LRRFIP1: variants seen among roughly 807,000 people sequenced by gnomAD.
LRRFIP1 encodes leucine-rich repeat flightless-interacting protein 1.
Under a neutral mutation model 104.4 loss-of-function variants are expected in LRRFIP1, and 62 were observed. The ratio of observed to expected loss-of-function variants is 0.59; its 90% CI spans 0.48 to 0.73. The LOEUF is 0.73. LRRFIP1 is among the 30% of genes least tolerant of loss of function. The pLI is 0.00. For synonymous variants in LRRFIP1, 300 were observed against 299.0 expected (o/e 1.00, Z -0.03); for missense variants, 796 against 824.5 (o/e 0.97, Z 0.42).
At chr2:237,629,673 T>G (rs1480131588) in intron 1 of LRRFIP1, among the ~76,000 whole-genome samples, 2 of 152,114 alleles carry the variant, frequency 1.3e-5, no homozygotes, top group African/African-American at 2.4e-5. Flanking sequence ...GGTTTCACCG[T>G]GTTGGCCAGG....
rs746167285 is a variant in LRRFIP1, at chr2:237,779,443, A to G, written c.1834A>G (p.Thr612Ala). The part of the protein sequence containing the change: ...QRELRSALDK[T>A]EELEVSNGHL... ...CCAGCTCCGCTCTGCATTGGATAAA[A>G]CAGAAGAGCTCGAGGTGAGCAACGG... The change falls in exon 24 of 24, where the codon ACA becomes GCA. Residue 612 changes from threonine to alanine, a missense_variant. Coordinates refer to ENST00000308482, the MANE Select transcript of LRRFIP1 (RefSeq NM_001137550.2). 1.2e-6 allele frequency: 2 copies of G among 1,613,642 alleles called. No homozygotes were observed. The highest frequency in any genetic ancestry group is 2.2e-5 in the South Asian group (2 of 91,058).
intron 10 of LRRFIP1, 103 bp from the exon 11 acceptor site, chr2:237,739,129 C>T (rs2095338824): frequency 1.2e-5 from 12 of 1,028,584 alleles, no homozygotes; most frequent in Non-Finnish European, 1.5e-5. Flanking sequence ...AACCTCACCA[C>T]TTACTGCAGC....
At position 237,672,987 on chromosome 2, in the gene LRRFIP1, C is replaced by T. The variant is rs80161240; in HGVS notation, c.97-35557C>T. On this transcript the variant is annotated intron_variant, in intron 1 of 23. Coordinates refer to ENST00000308482, the MANE Select transcript of LRRFIP1 (RefSeq NM_001137550.2). ...AGAAATTCTTTTACAATACGATGAC[C>T]GTGCTCCGTCGTTTTAGGCGAAGAA... Among the ~76,000 whole-genome samples, 478 of 152,248 alleles carry T rather than the reference C, an allele frequency of 3.1e-3. 8 individuals are homozygous for T. The East Asian group carries it at 0.047, about 15-fold the overall frequency.
intron 1 of LRRFIP1, among the ~76,000 whole-genome samples, chr2:237,647,428 C>T (rs990921648): frequency 6.6e-6 from 1 of 151,952 alleles, no homozygotes; most frequent in East Asian, 1.9e-4. Flanking sequence ...AATGTGAGGG[C>T]CTTTGTACAA....
At chr2:237,715,590 G>A (rs908558702) in intron 3 of LRRFIP1, among the ~76,000 whole-genome samples, 3 of 152,286 alleles carry the variant, frequency 2.0e-5, no homozygotes, top group Non-Finnish European at 2.9e-5. Context: ...CAGTGGAGGA[G>A]CAGAGGCACA....
intron 7 of LRRFIP1, among the ~76,000 whole-genome samples, chr2:237,725,732 A>G (rs2094719920): frequency 6.6e-6 from 1 of 152,252 alleles, no homozygotes; most frequent in African/African-American, 2.4e-5. Context: ...AGTTTTTCCC[A>G]GGTTTTCGTA....
In LRRFIP1 at chr2:237,780,932, G is replaced by A. The variant is rs1408879943; in HGVS notation, c.*1400G>A. Among the ~76,000 whole-genome samples, 1 of 152,184 alleles carries A rather than the reference G, an allele frequency of 6.6e-6. No homozygotes were observed. Among genetic ancestry groups the A allele is most frequent in the African/African-American group, 2.4e-5 (1 of 41,434 alleles). On this transcript the variant is annotated 3_prime_UTR_variant, in exon 24 of 24. Coordinates refer to ENST00000308482, the MANE Select transcript of LRRFIP1 (RefSeq NM_001137550.2). ...AGCAGACAAGTTATAGGGGGCTGGG[G>A]GCCAACACTGGCAAGTAGGAAACCA... is the stretch of plus-strand genomic sequence containing the variant.
chr2:237,754,037 A>G (rs1288711163), intron 15 of LRRFIP1, among the ~76,000 whole-genome samples: 1 of 152,160 alleles, frequency 6.6e-6, no homozygotes, highest in African/African-American at 2.4e-5. Flanking sequence ...TGTAAACTGG[A>G]GACAGTTTTT....
chr2:237,727,226 C>G (rs1322164404), intron 7 of LRRFIP1, among the ~76,000 whole-genome samples: 1 of 152,014 alleles, frequency 6.6e-6, no homozygotes, highest in African/African-American at 2.4e-5. Flanking sequence ...CGTGGTGACG[C>G]ACGCCTGTAA....
In LRRFIP1 at chr2:237,711,441, T is replaced by C. The variant is rs2094081436; in HGVS notation, c.183+2811T>C. ...TGAGAGCGGTGGTTTTGGTCTGTGC[T>C]CTCACCAGCAGGGACCGGAGGAGGG... is the stretch of plus-strand genomic sequence containing the variant. On this transcript the variant is annotated intron_variant, in intron 2 of 23. Coordinates refer to ENST00000308482, the MANE Select transcript of LRRFIP1 (RefSeq NM_001137550.2). This position sits in a 1 kb window ranked among gnomAD's most constrained non-coding sequence, Gnocchi z 4.4. Among the ~76,000 whole-genome samples, 1 of 152,202 alleles carries C rather than the reference T, an allele frequency of 6.6e-6. No homozygotes were observed. Among genetic ancestry groups the C allele is most frequent in the Admixed American group, 6.5e-5 (1 of 15,280 alleles).
intron 23 of LRRFIP1, among the ~76,000 whole-genome samples, chr2:237,775,953 T>TATTTG (rs1559878078): frequency 1.3e-5 from 2 of 152,044 alleles, no homozygotes; most frequent in African/African-American, 4.8e-5. Flanking sequence ...TTATTTATTT[T>TATTTG]ATTTGATTTT....
chr2:237,769,465 C>CAGAT lies in LRRFIP1; in HGVS notation c.1460-476_1460-473dup, dbSNP rs200347708. On this transcript the variant is annotated intron_variant, in intron 19 of 23. Transcript: ENST00000308482. ...GTGTTAGTGGACTTAGGGTTGTAAA[C>CAGAT]AGATACTCATGGCACTGACATCGAT... 538 of 159,296 alleles carry CAGAT rather than the reference C, an allele frequency of 3.4e-3. 27 individuals carry two copies. In the East Asian group the frequency reaches 0.082, roughly 24 times the overall value. 9.9% of individuals were successfully genotyped at this position (159,296 alleles called of 1,614,324 possible).
chr2:237,647,037 C>T (rs892175628), intron 1 of LRRFIP1, among the ~76,000 whole-genome samples: 8 of 152,020 alleles, frequency 5.3e-5, no homozygotes, highest in Non-Finnish European at 8.8e-5. Context: ...GGCTCCTGAC[C>T]ATGATGGTTT....
At chr2:237,750,576 A>T (rs2058497400) in intron 13 of LRRFIP1, among the ~76,000 whole-genome samples, 2 of 151,872 alleles carry the variant, frequency 1.3e-5, no homozygotes, top group South Asian at 2.1e-4. Flanking sequence ...ACCTCAGGTG[A>T]TCCACCCACT....
chr2:237,719,421 A>C (rs2094459071), intron 4 of LRRFIP1, 102 bp from the exon 5 acceptor site: 1 of 728,186 alleles, frequency 1.4e-6, no homozygotes, highest in African/African-American at 1.8e-5. Context: ...TTTAGATCAG[A>C]ACTGCTGTAT....
chr2:237,706,569 C>T (rs1050305671), intron 1 of LRRFIP1, among the ~76,000 whole-genome samples: 4 of 152,306 alleles, frequency 2.6e-5, no homozygotes, highest in Non-Finnish European at 5.9e-5. Context: ...GGCCGTAGGA[C>T]GTCACTCTAA....
Position 237,735,414 on chromosome 2 carries a change from TGGG to T in LRRFIP1, c.555+85_555+87del. On this transcript the variant is annotated intron_variant, in intron 10 of 23. Transcript: ENST00000308482. This position sits in a 1 kb window ranked among gnomAD's most constrained non-coding sequence, Gnocchi z 4.6. Reference sequence around the variant, plus strand: ...ATGCTCGCTGGGCAGGGTCCAGCCGTGGGGGGTGACTGGCCATTCTCAGGAGGA... The same window carrying T: ...ATGCTCGCTGGGCAGGGTCCAGCCGTGGGTGACTGGCCATTCTCAGGAGGA... The T allele has an allele frequency of 7.4e-7, 1 of 1,354,354 alleles. No individual in the cohort carries two copies. 83.9% of individuals were successfully genotyped at this position (1,354,354 alleles called of 1,614,324 possible).
intron 1 of LRRFIP1, among the ~76,000 whole-genome samples, chr2:237,692,755 A>G (rs2092903736): frequency 1.3e-5 from 2 of 152,210 alleles, no homozygotes; most frequent in South Asian, 4.1e-4. Flanking sequence ...GCCACCTCCA[A>G]GGACGAAAAG....
chr2:237,650,136 C>T (rs35391846), intron 1 of LRRFIP1, among the ~76,000 whole-genome samples: 10,175 of 151,952 alleles, frequency 0.067, 548 homozygotes, highest in East Asian at 0.2. Flanking sequence ...GAGAGAGGAA[C>T]AAGAAGGGCA....
Sources: gnomAD v4.1 joint callset for allele counts (sites outside exome capture counted in the v4.1 genomes callset) on GRCh38, gnomAD v4.1.1 for gene constraint, Gnocchi (gnomAD v3.1) non-coding constraint, MANE v1.5 for transcripts, NCBI Gene and HGNC (gene_info 2026-07-23, HGNC 2026-07-21) for gene names.